The following DYNC2H1 variants were observed in gnomAD, a reference collection of about 807,000 sequenced individuals.
DYNC2H1 encodes the protein cytoplasmic dynein 2 heavy chain 1.
DYNC2H1 carries 410 observed loss-of-function variants against 570.0 expected under a neutral mutation model. The observed-to-expected ratio is 0.72, with a 90% CI of 0.66 to 0.78. DYNC2H1 has a LOEUF of 0.78. DYNC2H1 is among the 30% of genes least tolerant of loss of function. The pLI, the probability that DYNC2H1 is intolerant of heterozygous loss-of-function variation, is 0.00. For missense variants in DYNC2H1, 4,865 were observed against 5,046.4 expected (o/e 0.96, Z 1.09); for synonymous variants, 1,688 against 1,677.6 (o/e 1.01, Z -0.15).
At chr11:103,193,486 CTTTT>C (rs376793893) in intron 47 of DYNC2H1, among the ~76,000 whole-genome samples, 16 of 151,598 alleles carry the variant, frequency 1.1e-4, no homozygotes, top group African/African-American at 3.9e-4. Context: ...TAAAATATGT[CTTTT>C]TTTGTTATTT....
rs1865877268 is a variant in DYNC2H1 at position 103,275,614 on chromosome 11, G to A, written c.10696-4734G>A. ...ATAATTGGAATCATACAGTATGTCA[G>A]TATGTAGCCTTTGTAGATTGTCTTC... On this transcript the variant is annotated intron_variant, in intron 70 of 88. Coordinates refer to ENST00000375735, the MANE Select transcript of DYNC2H1 (RefSeq NM_001377.3). The surrounding 1 kb of genome is among the most constrained non-coding windows in gnomAD (Gnocchi z 4.8). 1.3e-5 allele frequency among the ~76,000 whole-genome samples: 2 copies of A among 152,126 alleles called. No individual in the cohort carries two copies. The highest frequency in any genetic ancestry group is 2.4e-5 in the African/African-American group (1 of 41,406).
chr11:103,110,869 A>G (rs1354430771), intron 1 of DYNC2H1, among the ~76,000 whole-genome samples: 1 of 150,240 alleles, frequency 6.7e-6, no homozygotes, highest in East Asian at 2.0e-4. Flanking sequence ...CGTATTACCC[A>G]GGCTGGAGTG....
At chr11:103,394,990 C>A (rs1416746881) in intron 83 of DYNC2H1, among the ~76,000 whole-genome samples, 2 of 152,000 alleles carry the variant, frequency 1.3e-5, no homozygotes, top group African/African-American at 4.8e-5. Flanking sequence ...CCTTCCCTAC[C>A]CTCCTCTTTC....
At chr11:103,176,751 G>A (rs907085957) in intron 37 of DYNC2H1, among the ~76,000 whole-genome samples, 2 of 152,050 alleles carry the variant, frequency 1.3e-5, no homozygotes, top group Non-Finnish European at 2.9e-5. Flanking sequence ...TGTCGCCCAG[G>A]CTGGAGTGCG....
At position 103,299,175 on chromosome 11, in the gene DYNC2H1, A is replaced by G. The variant is rs1221284319; in HGVS notation, c.11096-3918A>G. Among the ~76,000 whole-genome samples the G allele has an allele frequency of 6.6e-6, 1 of 152,102 alleles. No homozygotes were observed. Among genetic ancestry groups the G allele is most frequent in the East Asian group, 1.9e-4 (1 of 5,200 alleles). ...AATTTTTAAACGTTCTTCATCCAAA[A>G]GTTATTTTTGAACTATGCATCTTTC... On this transcript the variant is annotated intron_variant, in intron 75 of 88. Transcript: ENST00000375735. The surrounding 1 kb of genome is among the most constrained non-coding windows in gnomAD (Gnocchi z 4.5).
rs1861862143 is a variant in DYNC2H1, at chr11:103,177,260, T to G, written c.5875-296T>G. ...ATAAGTGAATAAAATAATGAATATA[T>G]TTGAATGAGTGAATGAGTGGAGCAA... is the stretch of plus-strand genomic sequence containing the variant. On this transcript the variant is annotated intron_variant, in intron 37 of 88. Transcript: ENST00000375735. This position sits in a 1 kb window ranked among gnomAD's most constrained non-coding sequence, Gnocchi z 4.4. Among the ~76,000 whole-genome samples, 1 of 152,108 alleles carries G rather than the reference T, an allele frequency of 6.6e-6. No homozygotes were observed. Among genetic ancestry groups the G allele is most frequent in the Non-Finnish European group, 1.5e-5 (1 of 68,018 alleles).
At chr11:103,221,832 G>A (rs190043831) in intron 57 of DYNC2H1, among the ~76,000 whole-genome samples, 198 bp from the exon 58 acceptor site, 103 of 152,148 alleles carry the variant, frequency 6.8e-4, no homozygotes, top group East Asian at 1.9e-4. Flanking sequence ...CTCCTGCCTG[G>A]GTGACAGAGC....
At chr11:103,394,191 C>T (rs756012936) in intron 83 of DYNC2H1, among the ~76,000 whole-genome samples, 2 of 152,112 alleles carry the variant, frequency 1.3e-5, no homozygotes, top group African/African-American at 2.4e-5. Flanking sequence ...TCTGCTTGCT[C>T]AATTAAATAA....
chr11:103,386,656 C>T (rs1471908278), intron 83 of DYNC2H1, among the ~76,000 whole-genome samples: 2 of 152,152 alleles, frequency 1.3e-5, no homozygotes, highest in Non-Finnish European at 2.9e-5. Context: ...CACACTCCCC[C>T]CACCCCACAA....
chr11:103,403,139 T>C (rs1942710290), intron 84 of DYNC2H1: 2 of 152,054 alleles, frequency 1.3e-5, no homozygotes, highest in Admixed American at 1.3e-4. Context: ...TGGAGATCAG[T>C]AGATGACTAA....
intron 4 of DYNC2H1, among the ~76,000 whole-genome samples, chr11:103,116,144 A>G (rs539007851): frequency 1.2e-4 from 18 of 152,266 alleles, no homozygotes; most frequent in African/African-American, 3.6e-4. Flanking sequence ...TTTGGTAACA[A>G]TGATGAAATA....
At chr11:103,116,756 T>C in intron 5 of DYNC2H1, 42 bp downstream of exon 5, 1 of 1,540,462 alleles carries the variant, frequency 6.5e-7, no homozygotes, top group South Asian at 1.3e-5. Context: ...TGAAAACCTG[T>C]CTTATTTTGT....
chr11:103,316,421 A>G, intron 79 of DYNC2H1, 124 bp from the exon 80 acceptor site: 1 of 615,646 alleles, frequency 1.6e-6, no homozygotes, highest in Non-Finnish European at 2.6e-6. Context: ...GGTTTTATTA[A>G]AAATTCTCAG....
Position 103,157,866 on chromosome 11 carries a change from T to C in DYNC2H1, c.4128-811T>C, listed in dbSNP as rs1259828961. ...TTTCTTGTGCTGCTCTCCATTTTGC[T>C]TTAGTGACTCTAGCTTTTAGTTTCT... On this transcript the variant is annotated intron_variant, in intron 26 of 88. Transcript: ENST00000375735. This position sits in a 1 kb window ranked among gnomAD's most constrained non-coding sequence, Gnocchi z 4.2. Among the ~76,000 whole-genome samples the C allele has an allele frequency of 2.6e-5, 4 of 152,326 alleles. No homozygotes were observed. The South Asian group carries it at 8.3e-4, about 32-fold the overall frequency.
At chr11:103,168,611 G>T in intron 31 of DYNC2H1, 144 bp from the exon 32 acceptor site, 3 of 790,260 alleles carry the variant, frequency 3.8e-6, no homozygotes, top group Non-Finnish European at 3.8e-6. Context: ...TTTAGCTTAT[G>T]TGATTTGTAT....
intron 84 of DYNC2H1, among the ~76,000 whole-genome samples, chr11:103,423,544 A>G (rs998844588): frequency 2.6e-5 from 4 of 151,828 alleles, no homozygotes; most frequent in African/African-American, 9.7e-5. Flanking sequence ...TTTGACAGTG[A>G]TTTCTTAAAT....
At chr11:103,442,304 A>AAATATGTT (rs1404384433) in intron 85 of DYNC2H1, among the ~76,000 whole-genome samples, 2 of 152,132 alleles carry the variant, frequency 1.3e-5, no homozygotes, top group Non-Finnish European at 2.9e-5. Context: ...GCAAACAAAT[A>AAATATGTT]AATATGTTAA....
rs1038275038 is a variant in DYNC2H1, at chr11:103,395,491, G to GTA, written c.12157-4171_12157-4170dup. Among the ~76,000 whole-genome samples, 6 of 88,304 alleles carry GTA rather than the reference G, an allele frequency of 6.8e-5. No homozygotes were observed. The highest frequency in any genetic ancestry group is 2.2e-4 in the African/African-American group (6 of 27,054). 57.9% of individuals were successfully genotyped at this position (88,304 alleles called of 152,430 possible). On this transcript the variant is annotated intron_variant, in intron 83 of 88. Coordinates refer to ENST00000375735, the MANE Select transcript of DYNC2H1 (RefSeq NM_001377.3). This position sits in a 1 kb window ranked among gnomAD's most constrained non-coding sequence, Gnocchi z 4.3. ...ATATCATATATATATTTATGTATAT[G>GTA]TACACACACACACACACACACACAC...
chr11:103,241,655 A>T lies in DYNC2H1; in HGVS notation c.9820-2038A>T. The T allele has an allele frequency of 3.3e-6, 3 of 897,872 alleles. No individual in the cohort carries two copies. Among genetic ancestry groups the T allele is most frequent in the Non-Finnish European group, 3.4e-6 (2 of 585,674 alleles). The allele number at this position is 897,872 out of a possible 1,614,324, so 55.6% of individuals were successfully genotyped here. A position where few individuals can be genotyped will look rare whatever the true frequency, so the allele number is the denominator to read the frequency against. ...TAGCATAAAATTAGATCAAAAACCTAGGTGCAGCACCATGGTAACACTTCA... is the reference window on the plus strand; with the variant it reads ...TAGCATAAAATTAGATCAAAAACCTTGGTGCAGCACCATGGTAACACTTCA... On this transcript the variant is annotated intron_variant, in intron 63 of 88. Coordinates refer to ENST00000375735, the MANE Select transcript of DYNC2H1 (RefSeq NM_001377.3). This position sits in a 1 kb window ranked among gnomAD's most constrained non-coding sequence, Gnocchi z 5.1.
Sources: allele counts gnomAD v4.1 joint callset (sites outside exome capture counted in the v4.1 genomes callset), GRCh38; gene constraint gnomAD v4.1.1; non-coding constraint Gnocchi (gnomAD v3.1); transcripts MANE v1.5; gene names NCBI Gene and HGNC (gene_info 2026-07-23, HGNC 2026-07-21).